The following SERINC2 variants were observed in gnomAD, a reference collection of about 807,000 sequenced individuals.
SERINC2 encodes tumor differentially expressed protein 2.
In SERINC2, 56 loss-of-function variants were observed where a neutral mutation model predicts 54.2. The observed-to-expected ratio is 1.03, with a 90% confidence interval of 0.83 to 1.29. The LOEUF is 1.29. Among genes scored for constraint, SERINC2 ranks in the 50% most tolerant of loss-of-function variants. SERINC2 has a pLI of 0.00. For missense variants in SERINC2, 614 were observed against 607.4 expected, an observed-to-expected ratio of 1.01 and a Z score of -0.12; for synonymous variants, 272 against 253.1, an observed-to-expected ratio of 1.07 and a Z score of -0.71.
At position 31,413,329 on chromosome 1, in the gene SERINC2, CCG is replaced by C. The variant is rs1553131748; in HGVS notation, c.39+33_39+34del. 4.1e-6 allele frequency: 5 copies of C among 1,212,510 alleles called. No homozygotes were observed. Among genetic ancestry groups the C allele is most frequent in the Non-Finnish European group, 4.2e-6 (4 of 963,492 alleles). 75.1% of individuals were successfully genotyped at this position (1,212,510 alleles called of 1,614,324 possible). ...CGTGAGTCCCGACCCCGGCGCCCGCCCGCGCGCGCCGCCCGTTCCTGCTGCGG... is the reference window on the plus strand; with the variant it reads ...CGTGAGTCCCGACCCCGGCGCCCGCCCGCGCGCCGCCCGTTCCTGCTGCGG... On this transcript the variant is annotated intron_variant, in intron 1 of 9. Coordinates refer to ENST00000373709, the MANE Select transcript of SERINC2 (RefSeq NM_178865.5). The surrounding 1 kb of genome is among the most constrained non-coding windows in gnomAD (Gnocchi z 5.0).
chr1:31,410,718 G>T (rs1272621363), upstream of SERINC2, among the ~76,000 whole-genome samples: 1 of 152,218 alleles, frequency 6.6e-6, no homozygotes, highest in Non-Finnish European at 1.5e-5. Flanking sequence ...CACCCCTTGT[G>T]GGGTGAAGTG....
chr1:31,428,626 C>A (rs530999108), intron 6 of SERINC2, among the ~76,000 whole-genome samples: 1 of 152,088 alleles, frequency 6.6e-6, no homozygotes, highest in Admixed American at 6.5e-5. Context: ...GGCACAGCGA[C>A]GGCAAAGGCC....
At chr1:31,431,876 ACAGGGTGGACAGGG>A (rs1641238793) in intron 8 of SERINC2, among the ~76,000 whole-genome samples, 4 of 133,414 alleles carry the variant, frequency 3.0e-5, no homozygotes, top group African/African-American at 6.2e-5. Context: ...GATAGGGTGG[ACAGGGTGGACAGGG>A]TGGATAGGGT....
chr1:31,432,519 C>T (rs1039489222), intron 8 of SERINC2, among the ~76,000 whole-genome samples: 12 of 151,870 alleles, frequency 7.9e-5, no homozygotes, highest in African/African-American at 1.5e-4. Context: ...GGCAAATGAG[C>T]GTGATTAATT....
chr1:31,410,484 G>A, upstream of SERINC2: 1 of 1,547,742 alleles, frequency 6.5e-7, no homozygotes, highest in Non-Finnish European at 8.7e-7. Context: ...GCCGGCCTTG[G>A]TCTTGGGCAG....
chr1:31,414,269 C>T, intron 1 of SERINC2: 2 of 1,330,006 alleles, frequency 1.5e-6, no homozygotes, highest in African/African-American at 1.5e-5. Flanking sequence ...CTTTCCCCAG[C>T]CCCCCTCTCC....
intron 1 of SERINC2, 26 bp from the exon 2 acceptor site, chr1:31,423,667 G>A (rs782229843): frequency 3.1e-6 from 5 of 1,600,626 alleles, no homozygotes; most frequent in Non-Finnish European, 4.2e-6. Context: ...AAGGGGAGAG[G>A]GAAGAGTGAC....
intron 8 of SERINC2, among the ~76,000 whole-genome samples, chr1:31,431,858 A>ACAGGGTGGT (rs1641235099): frequency 7.5e-6 from 1 of 133,524 alleles, no homozygotes. Flanking sequence ...GATAGGGTGG[A>ACAGGGTGGT]TAGGGTGGAT....
chr1:31,415,881 C>A, intron 1 of SERINC2: 1 of 985,544 alleles, frequency 1.0e-6, no homozygotes, highest in Non-Finnish European at 1.2e-6. Flanking sequence ...AGCATTGGAA[C>A]TGGGCTGAAG....
At position 31,426,656 on chromosome 1, in the gene SERINC2, CTCT is replaced by C. The variant is rs782758864; in HGVS notation, c.622_624del (p.Phe208del). ...CTCTCACTACCCCTCTGGCCCAGGC[CTCT>C]TCTTCTTCACTCTCCTCTTCTACTT... On this transcript the variant is annotated inframe_deletion, in exon 6 of 10. Coordinates refer to ENST00000373709, the MANE Select transcript of SERINC2 (RefSeq NM_178865.5). The C allele has an allele frequency of 8.7e-6, 14 of 1,606,438 alleles. No individual in the cohort carries two copies. Among genetic ancestry groups the C allele is most frequent in the South Asian group, 1.1e-5 (1 of 90,730 alleles).
At chr1:31,423,565 G>C (rs782656567) in intron 1 of SERINC2, 128 bp from the exon 2 acceptor site, 1 of 951,974 alleles carries the variant, frequency 1.1e-6, no homozygotes, top group Admixed American at 2.5e-5. Context: ...AGTTCAATGG[G>C]CTGGTGTCTG....
rs1393966816 is a variant in SERINC2 at position 31,433,119 on chromosome 1, C to A, written c.1166C>A (p.Ser389Tyr). 2.5e-6 allele frequency: 4 copies of A among 1,613,676 alleles called. No homozygotes were observed. The African/African-American group carries it at 5.3e-5, about 22-fold the overall frequency. ...CAGGACGGCGTCACCTACAGCTACTCCTTCTTCCACTTCTGCCTGGTGCTG... is the reference window on the plus strand; with the variant it reads ...CAGGACGGCGTCACCTACAGCTACTACTTCTTCCACTTCTGCCTGGTGCTG... The part of the protein sequence containing the change: ...NEQDGVTYSY[S>Y]FFHFCLVLAS... The change falls in exon 9 of 10, where the codon TCC (serine) becomes TAC (tyrosine). Residue 389 changes from serine to tyrosine, a missense_variant. Ser to Tyr is a moderately radical substitution (Grantham distance 144). Transcript: ENST00000373709.
chr1:31,426,454 G>A (rs1553133618), intron 5 of SERINC2, among the ~76,000 whole-genome samples, 200 bp from the exon 6 acceptor site: 1 of 152,144 alleles, frequency 6.6e-6, no homozygotes, highest in South Asian at 2.1e-4. Flanking sequence ...TTATTACAAG[G>A]TAGCAAGTGA....
Position 31,426,917 on chromosome 1 carries a change from C to T in SERINC2, c.780+94C>T, listed in dbSNP as rs528266722. The T allele has an allele frequency of 5.9e-6, 7 of 1,179,070 alleles. No homozygotes were observed. In the East Asian group the frequency reaches 1.2e-4, roughly 20 times the overall value. 73.0% of individuals were successfully genotyped at this position (1,179,070 alleles called of 1,614,324 possible). On this transcript the variant is annotated intron_variant, in intron 6 of 9. Coordinates refer to ENST00000373709, the MANE Select transcript of SERINC2 (RefSeq NM_178865.5). Reference sequence around the variant, plus strand: ...TGGGTCCTGGGGCTAGGGCTGTCATCACAGAGGCACGGCCTGAGTGTGTGG... The same window carrying T: ...TGGGTCCTGGGGCTAGGGCTGTCATTACAGAGGCACGGCCTGAGTGTGTGG...
chr1:31,414,421 T>TGGTGTGTGTG, intron 1 of SERINC2: 2 of 256,672 alleles, frequency 7.8e-6, no homozygotes, highest in Non-Finnish European at 1.0e-5. Flanking sequence ...CCCTGACGGG[T>TGGTGTGTGTG]TGTGTGTGTG....
rs1640694835 is a variant in SERINC2 at position 31,413,397 on chromosome 1, T to C, written c.39+93T>C. The stretch of plus-strand genomic sequence containing the variant: ...TGTTCTGCTCCGAGTAGTTTCTTCT[T>C]TTTCCTTCCTGCAAACTTGTCTTTC... On this transcript the variant is annotated intron_variant, in intron 1 of 9. Coordinates refer to ENST00000373709, the MANE Select transcript of SERINC2 (RefSeq NM_178865.5). This position sits in a 1 kb window ranked among gnomAD's most constrained non-coding sequence, Gnocchi z 5.0. 1 of 693,504 alleles carries C rather than the reference T, an allele frequency of 1.4e-6. No homozygotes were observed. The highest frequency in any genetic ancestry group is 4.6e-5 in the Admixed American group (1 of 21,762). The allele number at this position is 693,504 out of a possible 1,614,324, so 43.0% of individuals were successfully genotyped here.
chr1:31,434,449 T>G lies in SERINC2; in HGVS notation c.*250T>G. On this transcript the variant is annotated 3_prime_UTR_variant, in exon 10 of 10. Transcript: ENST00000373709. ...TGGAGCTGCCTCTTCCTTCCCCTCCTCCCTGTTGCCCATACTCAGCATCTC... is the reference window on the plus strand; with the variant it reads ...TGGAGCTGCCTCTTCCTTCCCCTCCGCCCTGTTGCCCATACTCAGCATCTC... 1 of 532,374 alleles carries G rather than the reference T, an allele frequency of 1.9e-6. No homozygotes were observed. Among genetic ancestry groups the G allele is most frequent in the African/African-American group, 1.9e-5 (1 of 52,584 alleles). 33.0% of individuals were successfully genotyped at this position (532,374 alleles called of 1,614,324 possible). A position where few individuals can be genotyped will look rare whatever the true frequency, so the allele number is the denominator to read the frequency against.
intron 1 of SERINC2, among the ~76,000 whole-genome samples, chr1:31,415,606 A>T (rs1193777344): frequency 1.3e-5 from 2 of 152,222 alleles, no homozygotes; most frequent in Non-Finnish European, 2.9e-5. Context: ...CCACTGGGGC[A>T]GTTAATATTG....
At chr1:31,416,034 G>C (rs1343281051) in intron 1 of SERINC2, 1 of 422,730 alleles carries the variant, frequency 2.4e-6, no homozygotes, top group African/African-American at 2.2e-5. Flanking sequence ...ATCCTAGGGA[G>C]TGTGAAAGGC....
Sources: allele counts gnomAD v4.1 joint callset (sites outside exome capture counted in the v4.1 genomes callset), GRCh38; gene constraint gnomAD v4.1.1; non-coding constraint Gnocchi (gnomAD v3.1); transcripts MANE v1.5; gene names NCBI Gene and HGNC (gene_info 2026-07-23, HGNC 2026-07-21).